Variants in PTPRD observed in about 807,000 individuals in gnomAD.
PTPRD encodes receptor-type tyrosine-protein phosphatase delta.
A neutral mutation model predicts 214.5 loss-of-function variants in PTPRD; 34 were observed. That is an observed-to-expected ratio of 0.16 (90% CI 0.12 to 0.21). PTPRD has a LOEUF of 0.21. PTPRD is among the 10% of genes least tolerant of loss of function. PTPRD has a pLI of 1.00. For synonymous variants in PTPRD, 1,128 were observed against 845.7 expected (o/e 1.33, Z -5.79); for missense variants, 2,545 against 2,398.7 (o/e 1.06, Z -1.27).
intron 8 of PTPRD, among the ~76,000 whole-genome samples, chr9:9,507,279 C>A (rs2096592228): frequency 6.6e-6 from 1 of 151,090 alleles, no homozygotes; most frequent in South Asian, 2.1e-4. Context: ...CACAAACACA[C>A]AAAATTGCAG....
intron 11 of PTPRD, among the ~76,000 whole-genome samples, chr9:8,798,446 A>C (rs989287224): frequency 6.6e-6 from 1 of 152,222 alleles, no homozygotes. Context: ...TGGCCTAAGC[A>C]CAATAAATCA....
intron 9 of PTPRD, among the ~76,000 whole-genome samples, chr9:9,217,719 G>A (rs2099953207): frequency 1.3e-5 from 2 of 152,048 alleles, no homozygotes; most frequent in South Asian, 4.1e-4. Context: ...AGGCAGTCTT[G>A]ACATAACCTT....
At chr9:9,617,007 G>C (rs953740238) in intron 7 of PTPRD, among the ~76,000 whole-genome samples, 19 of 152,028 alleles carry the variant, frequency 1.2e-4, no homozygotes, top group African/African-American at 4.1e-4. Context: ...CCTGTATAAA[G>C]CCAAGAACTC....
At chr9:8,565,303 C>T (rs1280753078) in intron 14 of PTPRD, among the ~76,000 whole-genome samples, 1 of 152,088 alleles carries the variant, frequency 6.6e-6, no homozygotes, top group African/African-American at 2.4e-5. Context: ...TAAATTTGAC[C>T]TTTTTTTCCC....
intron 4 of PTPRD, among the ~76,000 whole-genome samples, chr9:9,979,661 T>C (rs1201091199): frequency 6.6e-6 from 1 of 152,122 alleles, no homozygotes; most frequent in Non-Finnish European, 1.5e-5. Context: ...CTCAACAAAC[T>C]ATAGAATATT....
intron 10 of PTPRD, among the ~76,000 whole-genome samples, chr9:9,128,907 T>C (rs2099838292): frequency 6.6e-6 from 1 of 152,232 alleles, no homozygotes; most frequent in Non-Finnish European, 1.5e-5. Context: ...AAATGTTAAA[T>C]GTAACATCAT....
chr9:8,827,077 T>G (rs10758996), intron 11 of PTPRD, among the ~76,000 whole-genome samples: 87,258 of 151,358 alleles, frequency 0.58, 26,084 homozygotes, highest in African/African-American at 0.75. Flanking sequence ...CACACCCTCA[T>G]GGTTCAGAGT....
At chr9:10,056,651 T>G (rs1006291996) in intron 3 of PTPRD, among the ~76,000 whole-genome samples, 2 of 152,100 alleles carry the variant, frequency 1.3e-5, no homozygotes, top group Admixed American at 1.3e-4. Context: ...AAAGCTAGCA[T>G]GTTCCCAAGA....
intron 7 of PTPRD, among the ~76,000 whole-genome samples, chr9:9,724,656 A>C (rs969766144): frequency 1.3e-5 from 2 of 152,180 alleles, no homozygotes; most frequent in African/African-American, 4.8e-5. Flanking sequence ...TTAGATCAAA[A>C]TGTGAAGGAT....
intron 14 of PTPRD, among the ~76,000 whole-genome samples, chr9:8,599,078 AAG>A (rs756895484): frequency 1.8e-4 from 28 of 152,094 alleles, no homozygotes; most frequent in Non-Finnish European, 2.6e-4. Flanking sequence ...GGTCTTTCCC[AAG>A]CTGTTCTCAT....
rs74763841 is a variant in PTPRD at position 10,217,280 on chromosome 9, A to G, written c.-545+123683T>C. On this transcript the variant is annotated intron_variant, in intron 3 of 45. Coordinates refer to ENST00000381196, the MANE Select transcript of PTPRD (RefSeq NM_002839.4). ...CATTTTATTGGCCTCTTCCAGGCCA[A>G]CACAGACACGCAGGTACAAACACAT... Among the ~76,000 whole-genome samples the G allele has an allele frequency of 6.0e-3, 910 of 151,662 alleles. 16 individuals are homozygous for G. The highest frequency in any genetic ancestry group is 0.021 in the African/African-American group (874 of 41,420).
chr9:9,852,263 G>C (rs2153667580), intron 5 of PTPRD, among the ~76,000 whole-genome samples: 1 of 152,234 alleles, frequency 6.6e-6, no homozygotes, highest in South Asian at 2.1e-4. Context: ...GGGAAGAGAT[G>C]ATGAGAGCAG....
At chr9:9,078,285 C>T (rs117769545) in intron 10 of PTPRD, among the ~76,000 whole-genome samples, 21 of 152,136 alleles carry the variant, frequency 1.4e-4, no homozygotes, top group East Asian at 7.7e-4. Flanking sequence ...TTTTCCACTT[C>T]GCAAGAATTT....
At chr9:8,825,187 A>G (rs2097151299) in intron 11 of PTPRD, among the ~76,000 whole-genome samples, 1 of 152,112 alleles carries the variant, frequency 6.6e-6, no homozygotes, top group Admixed American at 6.6e-5. Context: ...GATATTTTTT[A>G]TTTGGCACAG....
chr9:8,648,099 C>T (rs572230738), intron 12 of PTPRD, among the ~76,000 whole-genome samples: 1 of 152,174 alleles, frequency 6.6e-6, no homozygotes, highest in South Asian at 2.1e-4. Context: ...AATACACATG[C>T]ATGAAGACCA....
intron 2 of PTPRD, among the ~76,000 whole-genome samples, chr9:10,589,021 T>A (rs1298560715): frequency 6.6e-6 from 1 of 152,026 alleles, no homozygotes; most frequent in Non-Finnish European, 1.5e-5. Context: ...AGAAAATGAA[T>A]ATATATTTGC....
intron 4 of PTPRD, among the ~76,000 whole-genome samples, chr9:9,948,303 G>T (rs10978127): frequency 6.6e-6 from 1 of 151,962 alleles, no homozygotes; most frequent in Non-Finnish European, 1.5e-5. Context: ...TTTAAAAAAT[G>T]TGACTATCTT....
chr9:10,249,087 G>C (rs572472577), intron 3 of PTPRD, among the ~76,000 whole-genome samples: 1 of 152,014 alleles, frequency 6.6e-6, no homozygotes, highest in South Asian at 2.1e-4. Context: ...TCTTAAGTCA[G>C]CAAATTTGAC....
chr9:10,233,024 G>A (rs551928728), intron 3 of PTPRD, among the ~76,000 whole-genome samples: 144 of 151,992 alleles, frequency 9.5e-4, no homozygotes, highest in Admixed American at 1.2e-3. Flanking sequence ...TGTCAAGGTC[G>A]CCACAAACTA....
Sources: gnomAD v4.1 joint callset for allele counts (sites outside exome capture counted in the v4.1 genomes callset) on GRCh38, gnomAD v4.1.1 for gene constraint, MANE v1.5 for transcripts, NCBI Gene and HGNC (gene_info 2026-07-23, HGNC 2026-07-21) for gene names.